YWHAQ: variants seen among roughly 807,000 people sequenced by gnomAD.
YWHAQ encodes the protein 14-3-3 protein theta.
A neutral mutation model predicts 28.3 loss-of-function variants in YWHAQ; 6 were observed. The observed-to-expected ratio is 0.21, with a 90% CI of 0.12 to 0.42. The LOEUF is 0.42. Among genes scored for constraint, YWHAQ ranks in the 10% least tolerant of loss-of-function variants. YWHAQ has a pLI of 1.00. For synonymous variants in YWHAQ, 143 were observed against 119.1 expected, an observed-to-expected ratio of 1.20 and a Z score of -1.31; for missense variants, 201 against 305.6, an observed-to-expected ratio of 0.66 and a Z score of 2.55.
At chr2:9,607,326 G>A (rs899245438) in intron 2 of YWHAQ, among the ~76,000 whole-genome samples, 10 of 150,906 alleles carry the variant, frequency 6.6e-5, no homozygotes, top group Admixed American at 2.0e-4. Context: ...TCAGCCGCTC[G>A]AGTAGCTGGG....
intron 2 of YWHAQ, among the ~76,000 whole-genome samples, chr2:9,603,084 TA>T (rs1666747868): frequency 6.6e-6 from 1 of 151,274 alleles, no homozygotes; most frequent in Non-Finnish European, 1.5e-5. Flanking sequence ...TAATTTTTAA[TA>T]AAACAGTATT....
chr2:9,618,987 C>CA (rs1209596081), intron 2 of YWHAQ, among the ~76,000 whole-genome samples: 1 of 151,794 alleles, frequency 6.6e-6, no homozygotes, highest in Non-Finnish European at 1.5e-5. Flanking sequence ...ACTACCACAG[C>CA]AAAAAAGAGG....
intron 2 of YWHAQ, among the ~76,000 whole-genome samples, chr2:9,626,744 T>C (rs1447496017): frequency 3.3e-5 from 5 of 152,242 alleles, no homozygotes; most frequent in Admixed American, 6.5e-5. Context: ...GCCCAGTTTT[T>C]TTGTGTCTAA....
At chr2:9,588,443 G>A in intron 3 of YWHAQ, 115 bp from the exon 4 acceptor site, 4 of 1,234,166 alleles carry the variant, frequency 3.2e-6, no homozygotes, top group Non-Finnish European at 4.4e-6. Context: ...TTTTTTCTCT[G>A]TATGGGTCTT....
At chr2:9,602,844 AAAAAAAAAAAAAAAAAAAATAT>A (rs1266762550) in intron 2 of YWHAQ, among the ~76,000 whole-genome samples, 26 of 39,480 alleles carry the variant, frequency 6.6e-4, no homozygotes, top group African/African-American at 1.9e-3. Flanking sequence ...AAAAAAAAAA[AAAAAAAAAAAAAAAAAAAATAT>A]ATATATATAT....
In YWHAQ at chr2:9,584,935, A is replaced by G. The variant is rs1223042945; in HGVS notation, c.*351T>C. ...TACTCTTTAAATTGTAATTAACTACATTTTCTTATTTTCACAGTAATACAA... is the reference window on the plus strand; with the variant it reads ...TACTCTTTAAATTGTAATTAACTACGTTTTCTTATTTTCACAGTAATACAA... On this transcript the variant is annotated 3_prime_UTR_variant, in exon 6 of 6. Coordinates refer to ENST00000238081, the MANE Select transcript of YWHAQ (RefSeq NM_006826.4). 4.8e-6 allele frequency: 1 copy of G among 207,622 alleles called. No homozygotes were observed. The highest frequency in any genetic ancestry group is 9.7e-6 in the Non-Finnish European group (1 of 102,968). The allele number at this position is 207,622 out of a possible 1,614,324, so 12.9% of individuals were successfully genotyped here. A position where few individuals can be genotyped will look rare whatever the true frequency, so the allele number is the denominator to read the frequency against.
At chr2:9,605,368 C>A (rs1000070568) in intron 2 of YWHAQ, among the ~76,000 whole-genome samples, 1 of 152,130 alleles carries the variant, frequency 6.6e-6, no homozygotes, top group African/African-American at 2.4e-5. Context: ...CTACTGAGCT[C>A]AAGTGATCCT....
At chr2:9,618,254 T>C (rs1183050716) in intron 2 of YWHAQ, among the ~76,000 whole-genome samples, 1 of 152,230 alleles carries the variant, frequency 6.6e-6, no homozygotes, top group Admixed American at 6.5e-5. Flanking sequence ...GGTATTTGAA[T>C]TATATTTAAT....
rs539844293 is a variant in YWHAQ, at chr2:9,600,328, G to A, written c.295-8813C>T. On this transcript the variant is annotated intron_variant, in intron 2 of 5. Transcript: ENST00000238081. ...CATAAACTTAGTTGATAGAGCAGTGGCAGGGTTTGAGAGGATTGCCTCTGA... is the reference window on the plus strand; with the variant it reads ...CATAAACTTAGTTGATAGAGCAGTGACAGGGTTTGAGAGGATTGCCTCTGA... Among the ~76,000 whole-genome samples the A allele has an allele frequency of 8.5e-5, 13 of 152,340 alleles. No homozygotes were observed. The South Asian group carries it at 2.7e-3, about 32-fold the overall frequency.
chr2:9,587,342 C>T (rs1004552687), intron 5 of YWHAQ, 72 bp downstream of exon 5: 2 of 1,380,210 alleles, frequency 1.4e-6, no homozygotes, highest in African/African-American at 1.5e-5. Context: ...CTAAAAGACA[C>T]GAAGTCCAAA....
At chr2:9,616,385 T>C (rs2125071530) in intron 2 of YWHAQ, among the ~76,000 whole-genome samples, 1 of 151,740 alleles carries the variant, frequency 6.6e-6, no homozygotes, top group South Asian at 2.1e-4. Context: ...AGTATATATC[T>C]TCATGACCTT....
intron 2 of YWHAQ, among the ~76,000 whole-genome samples, chr2:9,627,832 C>T (rs529543068): frequency 6.6e-6 from 1 of 152,134 alleles, no homozygotes; most frequent in Non-Finnish European, 1.5e-5. Flanking sequence ...CACTGTTCCC[C>T]GAACAAGCCC....
At chr2:9,604,508 A>G (rs1666778706) in intron 2 of YWHAQ, among the ~76,000 whole-genome samples, 1 of 152,170 alleles carries the variant, frequency 6.6e-6, no homozygotes, top group Non-Finnish European at 1.5e-5. Flanking sequence ...TCTTCTACAA[A>G]ACACATTTGA....
chr2:9,623,065 C>G (rs966900085), intron 2 of YWHAQ, among the ~76,000 whole-genome samples: 2 of 152,186 alleles, frequency 1.3e-5, no homozygotes, highest in Non-Finnish European at 2.9e-5. Flanking sequence ...AAAGCAACAC[C>G]TTGACTGAAC....
chr2:9,590,459 G>A (rs554624605), intron 3 of YWHAQ, among the ~76,000 whole-genome samples: 1 of 152,094 alleles, frequency 6.6e-6, no homozygotes, highest in Non-Finnish European at 1.5e-5. Context: ...ATTTGTAGGG[G>A]TATATCTTTG....
intron 2 of YWHAQ, among the ~76,000 whole-genome samples, chr2:9,598,644 A>T (rs1666625671): frequency 6.6e-6 from 1 of 152,080 alleles, no homozygotes; most frequent in Non-Finnish European, 1.5e-5. Context: ...GTGGTCATTA[A>T]CGTTACTACT....
intron 2 of YWHAQ, among the ~76,000 whole-genome samples, chr2:9,620,371 A>T (rs1300519891): frequency 6.6e-6 from 1 of 152,232 alleles, no homozygotes. Flanking sequence ...ATAGAAAAAC[A>T]TGTAAACTGA....
intron 2 of YWHAQ, among the ~76,000 whole-genome samples, chr2:9,628,538 T>A (rs536382391): frequency 2.0e-5 from 3 of 152,234 alleles, no homozygotes; most frequent in African/African-American, 7.2e-5. Flanking sequence ...AGGTAACTAA[T>A]TGAAAAGCAA....
chr2:9,611,251 C>T (rs1666941613), intron 2 of YWHAQ, among the ~76,000 whole-genome samples: 1 of 152,176 alleles, frequency 6.6e-6, no homozygotes, highest in South Asian at 2.1e-4. Flanking sequence ...GCATCCAACT[C>T]TTCTCTGTCA....
Sources: gnomAD v4.1 joint callset for allele counts (sites outside exome capture counted in the v4.1 genomes callset) on GRCh38, gnomAD v4.1.1 for gene constraint, MANE v1.5 for transcripts, NCBI Gene and HGNC (gene_info 2026-07-23, HGNC 2026-07-21) for gene names.